The following UMAD1 variants were observed in gnomAD, a reference collection of about 807,000 sequenced individuals.
The protein encoded by UMAD1 is UBAP1-MVB12-associated (UMA) domain containing 1, also known as UBAP1-MVB12-associated (UMA)-domain containing protein 1.
In UMAD1, 8 loss-of-function variants were observed where a neutral mutation model predicts 6.1. The ratio of observed to expected loss-of-function variants is 1.30; its 90% CI spans 0.76 to 2.35. The LOEUF (loss-of-function observed/expected upper bound fraction) is 2.35. Among genes scored for constraint, UMAD1 ranks in the 30% most tolerant of loss-of-function variants. The pLI is 0.00. For synonymous variants in UMAD1, 56 were observed against 31.4 expected (o/e 1.78, Z -2.61); for missense variants, 130 against 78.4 (o/e 1.66, Z -2.49).
At position 7,859,333 on chromosome 7, in the gene UMAD1, A is replaced by G. The variant is rs79913807; in HGVS notation, c.157-17948A>G. ...CTGTATTTTTCTTATTTGACTCCTA[A>G]GTGTTTATGTTTCTTACCATAATCA... On this transcript the variant is annotated intron_variant, in intron 3 of 3. Transcript: ENST00000682710. Among the ~76,000 whole-genome samples, 943 of 152,246 alleles carry G rather than the reference A, an allele frequency of 6.2e-3. 11 individuals carry two copies. Among genetic ancestry groups the G allele is most frequent in the African/African-American group, 0.021 (877 of 41,552 alleles).
chr7:7,782,829 G>C (rs7795972), intron 2 of UMAD1, among the ~76,000 whole-genome samples: 1 of 150,908 alleles, frequency 6.6e-6, no homozygotes, highest in Non-Finnish European at 1.5e-5. Context: ...CTCTGAGTTC[G>C]AGCGATTCTC....
intron 2 of UMAD1, among the ~76,000 whole-genome samples, chr7:7,787,405 T>C (rs1274487902): frequency 1.3e-5 from 2 of 152,216 alleles, no homozygotes; most frequent in Non-Finnish European, 2.9e-5. Flanking sequence ...ATTGCAAGTT[T>C]GCTGCCATGT....
intron 3 of UMAD1, among the ~76,000 whole-genome samples, chr7:7,848,007 T>C (rs1315903707): frequency 6.6e-6 from 1 of 152,164 alleles, no homozygotes; most frequent in Non-Finnish European, 1.5e-5. Flanking sequence ...ATTAAGCCAA[T>C]GAGGAATTTT....
intron 3 of UMAD1, among the ~76,000 whole-genome samples, chr7:7,844,408 TC>T (rs1220961639): frequency 1.3e-5 from 2 of 152,172 alleles, no homozygotes; most frequent in Non-Finnish European, 2.9e-5. Context: ...TTTTAAAGTG[TC>T]CTACCTAGTT....
In UMAD1 at chr7:7,722,161, A is replaced by C. The variant is rs560853127; in HGVS notation, c.82+48708A>C. 9.1e-3 allele frequency among the ~76,000 whole-genome samples: 1,268 copies of C among 139,034 alleles called. 12 individuals carry two copies. Among genetic ancestry groups the C allele is most frequent in the African/African-American group, 0.022 (723 of 32,596 alleles). The allele number at this position is 139,034 out of a possible 152,430, so 91.2% of individuals were successfully genotyped here. ...TAATAAACTCTCTCTCTCTCTCTAT[A>C]TATATATATGTATATATATGTATAT... is the stretch of plus-strand genomic sequence containing the variant. On this transcript the variant is annotated intron_variant, in intron 2 of 3. Transcript: ENST00000682710.
intron 3 of UMAD1, among the ~76,000 whole-genome samples, chr7:7,855,910 C>G (rs1285277653): frequency 6.6e-6 from 1 of 152,206 alleles, no homozygotes; most frequent in Non-Finnish European, 1.5e-5. Flanking sequence ...CCACAGATCT[C>G]TAGGGCAAGG....
chr7:7,861,740 G>C (rs575876802), intron 3 of UMAD1, among the ~76,000 whole-genome samples: 2 of 152,204 alleles, frequency 1.3e-5, no homozygotes, highest in African/African-American at 2.4e-5. Context: ...AGAAAATAAG[G>C]CTTTTCTTCT....
At chr7:7,731,484 C>A (rs550259517) in intron 2 of UMAD1, among the ~76,000 whole-genome samples, 6 of 141,882 alleles carry the variant, frequency 4.2e-5, no homozygotes, top group South Asian at 2.3e-4. Flanking sequence ...AACAAACAAC[C>A]CCCCCCCAAA....
chr7:7,712,809 G>GT (rs1017906591), intron 2 of UMAD1, among the ~76,000 whole-genome samples: 7 of 151,998 alleles, frequency 4.6e-5, no homozygotes, highest in Non-Finnish European at 8.8e-5. Context: ...AATACATTTT[G>GT]TTTTTTTGGG....
intron 2 of UMAD1, among the ~76,000 whole-genome samples, chr7:7,709,090 A>G (rs1435939946): frequency 2.0e-5 from 3 of 152,186 alleles, no homozygotes; most frequent in Non-Finnish European, 2.9e-5. Context: ...AGTGTCTTGC[A>G]TAATAATTTC....
chr7:7,824,445 G>T (rs1008573146), intron 3 of UMAD1, among the ~76,000 whole-genome samples: 1 of 152,074 alleles, frequency 6.6e-6, no homozygotes, highest in African/African-American at 2.4e-5. Flanking sequence ...TGACTGCAAT[G>T]CATATCCTCT....
At chr7:7,765,110 T>G (rs1321664980) in intron 2 of UMAD1, among the ~76,000 whole-genome samples, 1 of 152,072 alleles carries the variant, frequency 6.6e-6, no homozygotes, top group African/African-American at 2.4e-5. Context: ...CCTTCCCAAA[T>G]CTGACAAATA....
At chr7:7,733,894 A>G (rs1477777587) in intron 2 of UMAD1, among the ~76,000 whole-genome samples, 1 of 152,024 alleles carries the variant, frequency 6.6e-6, no homozygotes, top group Non-Finnish European at 1.5e-5. Context: ...CTCTCTTTAG[A>G]GAAGAAAATA....
intron 3 of UMAD1, among the ~76,000 whole-genome samples, chr7:7,818,312 C>T (rs1226556638): frequency 1.3e-5 from 2 of 152,170 alleles, no homozygotes. Flanking sequence ...AGGATATGGT[C>T]TTGTTCTTTT....
intron 3 of UMAD1, among the ~76,000 whole-genome samples, chr7:7,827,036 C>T (rs1383878698): frequency 6.6e-6 from 1 of 151,018 alleles, no homozygotes; most frequent in African/African-American, 2.4e-5. Flanking sequence ...TATAGTATGC[C>T]CCATTTGCAT....
chr7:7,688,146 G>A (rs1166773341), intron 2 of UMAD1, among the ~76,000 whole-genome samples: 1 of 152,104 alleles, frequency 6.6e-6, no homozygotes, highest in African/African-American at 2.4e-5. Context: ...ATTTTTGGGG[G>A]GAGAACATTC....
chr7:7,661,040 C>T (rs1279236977), intron 1 of UMAD1, among the ~76,000 whole-genome samples: 1 of 151,582 alleles, frequency 6.6e-6, no homozygotes, highest in Non-Finnish European at 1.5e-5. Flanking sequence ...CTAATCTTGT[C>T]TTCATGCTTT....
intron 3 of UMAD1, among the ~76,000 whole-genome samples, chr7:7,853,029 A>G (rs991942676): frequency 1.3e-5 from 2 of 152,220 alleles, no homozygotes; most frequent in South Asian, 2.1e-4. Context: ...AGAGGGCAGG[A>G]GAAGGTCAGA....
Position 7,789,840 on chromosome 7 carries a change from T to A in UMAD1, c.83-11830T>A, listed in dbSNP as rs546545783. 7.2e-5 allele frequency among the ~76,000 whole-genome samples: 11 copies of A among 152,336 alleles called. No homozygotes were observed. The East Asian group carries it at 2.1e-3, about 29-fold the overall frequency. ...TATGTTTATACTACATTTTTTTAATTCATTCATCTGTCAGTGAAGACTAGG... is the reference window on the plus strand; with the variant it reads ...TATGTTTATACTACATTTTTTTAATACATTCATCTGTCAGTGAAGACTAGG... On this transcript the variant is annotated intron_variant, in intron 2 of 3. Transcript: ENST00000682710.
Sources: allele counts gnomAD v4.1 joint callset (sites outside exome capture counted in the v4.1 genomes callset), GRCh38; gene constraint gnomAD v4.1.1; transcripts MANE v1.5; gene names NCBI Gene and HGNC (gene_info 2026-07-23, HGNC 2026-07-21).